RIMOC1: variants seen among roughly 807,000 people sequenced by gnomAD.
The protein encoded by RIMOC1 is RAB7A interacting MON1-CCZ1 complex subunit 1, also known as RAB7A-interacting MON1-CCZ1 complex subunit 1.
chr5:41,917,412 A>G, the RIMOC1 span: 2 of 1,411,184 alleles, frequency 1.4e-6, no homozygotes, highest in Non-Finnish European at 1.8e-6. Flanking sequence ...TACACTGCAT[A>G]AAGATATCCA....
At chr5:41,910,618 A>G in the RIMOC1 span, among the ~76,000 whole-genome samples, 3 of 152,100 alleles carry the variant, frequency 2.0e-5, no homozygotes, top group East Asian at 1.9e-4. Context: ...CCAAATTTCA[A>G]TGACAAGCCA....
At chr5:41,909,268 T>C in the RIMOC1 span, among the ~76,000 whole-genome samples, 1 of 152,096 alleles carries the variant, frequency 6.6e-6, no homozygotes, top group South Asian at 2.1e-4. Context: ...GTTGCATATG[T>C]TGATGGTATG....
At chr5:41,918,983 C>A in the RIMOC1 span, 1 of 153,434 alleles carries the variant, frequency 6.5e-6, no homozygotes, top group Non-Finnish European at 1.4e-5. Context: ...TTGATCTTCA[C>A]TATATTTTTT....
the RIMOC1 span, chr5:41,909,833 C>A: frequency 6.3e-7 from 1 of 1,590,028 alleles, no homozygotes; most frequent in Non-Finnish European, 8.5e-7. Flanking sequence ...AGTAAAAGAG[C>A]TGATTAGTTT....
At chr5:41,912,004 G>GTATTTGAAGTTTATATA in the RIMOC1 span, 1 of 961,300 alleles carries the variant, frequency 1.0e-6, no homozygotes, top group South Asian at 1.3e-5. Context: ...GAAAATATTA[G>GTATTTGAAGTTTATATA]TATTTGAAGT....
chr5:41,909,960 C>T, the RIMOC1 span: 2 of 1,282,378 alleles, frequency 1.6e-6, no homozygotes, highest in Non-Finnish European at 1.1e-6. Flanking sequence ...TTTTTGGAGT[C>T]TATATTTTTT....
At chr5:41,912,203 A>T in the RIMOC1 span, 1 of 1,389,256 alleles carries the variant, frequency 7.2e-7, no homozygotes, top group Non-Finnish European at 1.0e-6. Flanking sequence ...TCTCTCATTA[A>T]ATTTTCTAAG....
the RIMOC1 span, chr5:41,911,279 A>G: frequency 8.9e-7 from 1 of 1,120,206 alleles, no homozygotes; most frequent in Non-Finnish European, 1.2e-6. Context: ...AAAGGGTCTG[A>G]GTTTGTATTC....
At chr5:41,918,076 T>C in the RIMOC1 span, 2 of 984,942 alleles carry the variant, frequency 2.0e-6, no homozygotes, top group African/African-American at 3.5e-5. Context: ...ATAATAGGGG[T>C]GAGTGTTAAA....
the RIMOC1 span, among the ~76,000 whole-genome samples, chr5:41,906,379 T>C: frequency 4.6e-5 from 7 of 152,186 alleles, no homozygotes; most frequent in African/African-American, 1.4e-4. Flanking sequence ...AAAGTGTGAG[T>C]TATGCCACCA....
At chr5:41,908,603 A>G in the RIMOC1 span, among the ~76,000 whole-genome samples, 26 of 152,112 alleles carry the variant, frequency 1.7e-4, no homozygotes, top group Admixed American at 1.6e-3. Context: ...TTCAAACACC[A>G]TGGATGAGTA....
the RIMOC1 span, among the ~76,000 whole-genome samples, chr5:41,913,191 A>T: frequency 1.3e-5 from 2 of 152,220 alleles, no homozygotes; most frequent in Non-Finnish European, 2.9e-5. Context: ...TTAGACCATC[A>T]TTCTCAGAAG....
the RIMOC1 span, among the ~76,000 whole-genome samples, chr5:41,916,635 A>T: frequency 6.6e-6 from 1 of 152,290 alleles, no homozygotes; most frequent in East Asian, 1.9e-4. Context: ...GATGTAATTC[A>T]GGGAGTTTAT....
At chr5:41,907,262 C>T in the RIMOC1 span, among the ~76,000 whole-genome samples, 1 of 152,146 alleles carries the variant, frequency 6.6e-6, no homozygotes, top group African/African-American at 2.4e-5. Context: ...TAAAATTGCT[C>T]ATAATGCTGG....
the RIMOC1 span, chr5:41,919,074 A>G: frequency 1.3e-5 from 2 of 151,814 alleles, no homozygotes; most frequent in African/African-American, 2.4e-5. Flanking sequence ...ACCACCTGTA[A>G]TAACAGACTG....
the RIMOC1 span, among the ~76,000 whole-genome samples, chr5:41,904,975 C>T: frequency 2.6e-5 from 4 of 152,338 alleles, no homozygotes; most frequent in East Asian, 7.7e-4. Flanking sequence ...CCCCATACAT[C>T]ATGCCAGTTC....
chr5:41,911,369 C>T, the RIMOC1 span: 1 of 400,120 alleles, frequency 2.5e-6, no homozygotes, highest in Non-Finnish European at 4.3e-6. Context: ...CATGTGAAAG[C>T]ACTTTGTAAT....
chr5:41,910,494 G>T, the RIMOC1 span, among the ~76,000 whole-genome samples: 1 of 151,746 alleles, frequency 6.6e-6, no homozygotes, highest in East Asian at 1.9e-4. Flanking sequence ...TGTATATCTA[G>T]TCCTGGATAC....
At chr5:41,910,209 TACC>T in the RIMOC1 span, among the ~76,000 whole-genome samples, 302 of 152,228 alleles carry the variant, frequency 2.0e-3, no homozygotes, top group African/African-American at 6.9e-3. Context: ...TTAATCTAAT[TACC>T]ACGTCTGTTC....
Sources: gnomAD v4.1 joint callset for allele counts (sites outside exome capture counted in the v4.1 genomes callset) on GRCh38, gnomAD v4.1.1 for gene constraint, MANE v1.5 for transcripts, NCBI Gene and HGNC (gene_info 2026-07-23, HGNC 2026-07-21) for gene names.